Variants in OTUD7A observed in about 807,000 individuals in gnomAD.
The protein encoded by OTUD7A is OTU domain-containing protein 7A.
A neutral mutation model predicts 65.7 loss-of-function variants in OTUD7A; 12 were observed. The observed-to-expected ratio is 0.18, with a 90% CI of 0.12 to 0.30. The LOEUF is 0.30. OTUD7A is among the 10% of genes least tolerant of loss of function. The pLI is 1.00. For synonymous variants in OTUD7A, 641 were observed against 586.3 expected, an observed-to-expected ratio of 1.09 and a Z score of -1.35; for missense variants, 1,148 against 1,304.8, an observed-to-expected ratio of 0.88 and a Z score of 1.85.
At chr15:31,592,904 A>AATATATATATATAT (rs1226266359) in intron 3 of OTUD7A, among the ~76,000 whole-genome samples, 1 of 59,386 alleles carries the variant, frequency 1.7e-5, no homozygotes, top group East Asian at 6.1e-4. Context: ...AAAAAAAAAA[A>AATATATATATATAT]ATATATATAT....
At chr15:31,828,828 G>A (rs541056797) in intron 1 of OTUD7A, among the ~76,000 whole-genome samples, 4 of 152,160 alleles carry the variant, frequency 2.6e-5, no homozygotes, top group South Asian at 4.1e-4. Flanking sequence ...GCTGCCTCCC[G>A]CATCTCCCTC....
chr15:31,559,012 C>G lies in OTUD7A; in HGVS notation c.507G>C (p.Arg169=). ...CCATTGTTGCCTGCTCGATCAAGTC[C>G]CGCTCGATGAAGCTCCTGAAATCCT... is the stretch of plus-strand genomic sequence containing the variant. ...YSEDFRSFIE[R]DLIEQATMVA... is the part of the protein sequence containing the mutation. The change falls in exon 5 of 13, where the codon CGG becomes CGC. Residue 169 remains arginine, a synonymous_variant. Coordinates refer to ENST00000307050, the MANE Select transcript of OTUD7A (RefSeq NM_001382637.1). 6.2e-7 allele frequency: 1 copy of G among 1,614,212 alleles called. No homozygotes were observed.
chr15:31,710,961 G>A (rs1231614396), intron 1 of OTUD7A, among the ~76,000 whole-genome samples: 2 of 151,978 alleles, frequency 1.3e-5, no homozygotes, highest in African/African-American at 2.4e-5. Context: ...TTCAAGTCCC[G>A]GTGGCCCAGT....
At chr15:31,508,831 G>A (rs146893428) in intron 8 of OTUD7A, among the ~76,000 whole-genome samples, 1 of 152,382 alleles carries the variant, frequency 6.6e-6, no homozygotes, top group African/African-American at 2.4e-5. Context: ...TCTGCTTAGC[G>A]TTGCCTAGGG....
chr15:31,484,627 C>G lies in OTUD7A; in HGVS notation c.1469G>C (p.Ser490Thr). 1 of 1,597,052 alleles carries G rather than the reference C, an allele frequency of 6.3e-7. No homozygotes were observed. Among genetic ancestry groups the G allele is most frequent in the Non-Finnish European group, 8.5e-7 (1 of 1,172,872 alleles). Reference sequence around the variant, plus strand: ...CTTGCCGTTATTGCTGTTAGAATTGCTGCACACCGAATCGCGGTCCGAGTC... The same window carrying G: ...CTTGCCGTTATTGCTGTTAGAATTGGTGCACACCGAATCGCGGTCCGAGTC... The part of the protein sequence containing the change: ...SLDSDRDSVC[S>T]NSNSNNGKNG... The change falls in exon 13 of 13, where the codon AGC becomes ACC. Residue 490 changes from serine (S) to threonine (T), a missense_variant. Ser to Thr is a moderately conservative substitution (Grantham distance 58). Transcript: ENST00000307050. The surrounding 1 kb of genome is among the most constrained non-coding windows in gnomAD (Gnocchi z 4.5).
At chr15:31,851,653 G>C (rs1309113673) in intron 1 of OTUD7A, among the ~76,000 whole-genome samples, 2 of 152,168 alleles carry the variant, frequency 1.3e-5, no homozygotes, top group African/African-American at 4.8e-5. Flanking sequence ...GTGATCATTT[G>C]AACTAATCCT....
At chr15:31,827,355 C>G (rs1896822112) in intron 1 of OTUD7A, among the ~76,000 whole-genome samples, 1 of 152,094 alleles carries the variant, frequency 6.6e-6, no homozygotes, top group Non-Finnish European at 1.5e-5. Context: ...CTGGATAAAC[C>G]CATCAGATTT....
chr15:31,627,680 T>C (rs543430429), intron 3 of OTUD7A, among the ~76,000 whole-genome samples: 2 of 152,290 alleles, frequency 1.3e-5, no homozygotes, highest in African/African-American at 4.8e-5. Flanking sequence ...ACTTCCACAA[T>C]GGTTGAACTA....
chr15:31,717,723 T>C (rs1454645077), intron 1 of OTUD7A, among the ~76,000 whole-genome samples: 1 of 152,214 alleles, frequency 6.6e-6, no homozygotes, highest in Non-Finnish European at 1.5e-5. Context: ...GTCTTTATAG[T>C]AGAATGATTT....
At chr15:31,773,579 T>G (rs764822106) in intron 1 of OTUD7A, among the ~76,000 whole-genome samples, 2 of 152,202 alleles carry the variant, frequency 1.3e-5, no homozygotes, top group Non-Finnish European at 2.9e-5. Flanking sequence ...AGTTAGGATT[T>G]CAACATATGA....
At chr15:31,729,925 C>T (rs779042837) in intron 1 of OTUD7A, among the ~76,000 whole-genome samples, 2 of 152,022 alleles carry the variant, frequency 1.3e-5, no homozygotes, top group Non-Finnish European at 2.9e-5. Context: ...TTTATTTTTC[C>T]TTCTCTCTCC....
chr15:31,485,847 CT>C (rs1041418209), intron 12 of OTUD7A, among the ~76,000 whole-genome samples: 1 of 152,212 alleles, frequency 6.6e-6, no homozygotes, highest in African/African-American at 2.4e-5. Flanking sequence ...GTCGGTGACT[CT>C]CCTGTGACCA....
chr15:31,628,604 A>C (rs910053208), intron 3 of OTUD7A, among the ~76,000 whole-genome samples: 6 of 152,136 alleles, frequency 3.9e-5, no homozygotes, highest in African/African-American at 1.2e-4. Flanking sequence ...ATCAACTTTA[A>C]AGTAGTTTTT....
chr15:31,774,405 T>A (rs889028731), intron 1 of OTUD7A, among the ~76,000 whole-genome samples: 12 of 152,186 alleles, frequency 7.9e-5, no homozygotes, highest in Non-Finnish European at 1.6e-4. Context: ...ACCAAAACAT[T>A]TGAACACCTT....
Position 31,482,486 on chromosome 15 carries a change from T to C in OTUD7A, c.*808A>G, listed in dbSNP as rs2041140650. On this transcript the variant is annotated 3_prime_UTR_variant, in exon 13 of 13. Coordinates refer to ENST00000307050, the MANE Select transcript of OTUD7A (RefSeq NM_001382637.1). ...GAGCAGCCTGTCCTATCTGCTCCTCTATGAGCAAATCCAAATTGTGAGATG... is the reference window on the plus strand; with the variant it reads ...GAGCAGCCTGTCCTATCTGCTCCTCCATGAGCAAATCCAAATTGTGAGATG... 1 of 152,306 alleles carries C rather than the reference T, an allele frequency of 6.6e-6. No homozygotes were observed. The highest frequency in any genetic ancestry group is 2.4e-5 in the African/African-American group (1 of 41,472). The allele number at this position is 152,306 out of a possible 1,614,324, so 9.4% of individuals were successfully genotyped here.
At chr15:31,670,860 T>A (rs1595699393) in intron 1 of OTUD7A, among the ~76,000 whole-genome samples, 2 of 152,138 alleles carry the variant, frequency 1.3e-5, no homozygotes, top group East Asian at 3.9e-4. Context: ...CCGGGCGTGG[T>A]GGCGGGCGCC....
intron 12 of OTUD7A, among the ~76,000 whole-genome samples, chr15:31,485,701 C>T (rs924850877): frequency 2.6e-5 from 4 of 152,206 alleles, no homozygotes; most frequent in African/African-American, 9.6e-5. Context: ...ATCATGCTGG[C>T]CGCTGGGTGC....
chr15:31,860,438 A>G (rs1897688050), intron 1 of OTUD7A, among the ~76,000 whole-genome samples: 1 of 151,754 alleles, frequency 6.6e-6, no homozygotes, highest in African/African-American at 2.4e-5. Context: ...TATTAAATGC[A>G]TTTAACAAAC....
intron 3 of OTUD7A, among the ~76,000 whole-genome samples, chr15:31,637,412 T>C (rs1891374983): frequency 6.6e-6 from 1 of 152,208 alleles, no homozygotes; most frequent in African/African-American, 2.4e-5. Context: ...TCTTTCAAAA[T>C]ATTACTGCTC....
Sources: allele counts gnomAD v4.1 joint callset (sites outside exome capture counted in the v4.1 genomes callset), GRCh38; gene constraint gnomAD v4.1.1; non-coding constraint Gnocchi (gnomAD v3.1); transcripts MANE v1.5; gene names NCBI Gene and HGNC (gene_info 2026-07-23, HGNC 2026-07-21).